The following MYT1 variants were observed in gnomAD, a reference collection of about 807,000 sequenced individuals.
MYT1 encodes the protein myelin transcription factor I.
MYT1 carries 23 observed loss-of-function variants against 123.0 expected under a neutral mutation model. That is an observed-to-expected ratio of 0.19 (90% CI 0.13 to 0.26). MYT1 has a LOEUF of 0.26. Ranked by LOEUF, MYT1 falls within the 10% of genes least tolerant of loss-of-function variation. MYT1 has a pLI of 1.00. For missense variants in MYT1, 1,125 were observed against 1,472.5 expected (o/e 0.76, Z 3.86); for synonymous variants, 518 against 575.3 (o/e 0.90, Z 1.43).
chr20:64,223,448 T>G, intron 16 of MYT1, 89 bp downstream of exon 16: 2 of 1,456,472 alleles, frequency 1.4e-6, no homozygotes, highest in Non-Finnish European at 1.9e-6. Flanking sequence ...ATCAGCCTTC[T>G]CCAAGGTGCC....
rs906773055 is a variant in MYT1 at position 64,171,462 on chromosome 20, G to A, written c.-99+6723G>A. 7.2e-5 allele frequency among the ~76,000 whole-genome samples: 11 copies of A among 152,226 alleles called. No homozygotes were observed. The East Asian group carries it at 1.5e-3, about 21-fold the overall frequency. On this transcript the variant is annotated intron_variant, in intron 1 of 22. Coordinates refer to ENST00000328439, the MANE Select transcript of MYT1 (RefSeq NM_004535.3). The stretch of plus-strand genomic sequence containing the variant: ...TTCCCTGTGGAGTGTCACCCACACC[G>A]GTGGCCTGGGCTTTGTCTGGCTGCA...
chr20:64,201,723 G>A (rs895935543), intron 4 of MYT1, among the ~76,000 whole-genome samples: 2 of 152,186 alleles, frequency 1.3e-5, no homozygotes, highest in South Asian at 2.1e-4. Flanking sequence ...GGCTCTGACC[G>A]GACAAGCAGA....
intron 1 of MYT1, among the ~76,000 whole-genome samples, chr20:64,176,476 C>T (rs2145692588): frequency 6.6e-6 from 1 of 152,390 alleles, no homozygotes; most frequent in East Asian, 1.9e-4. Flanking sequence ...ATTTCCCCTC[C>T]CTGGCTTCTC....
intron 4 of MYT1, 35 bp from the exon 5 acceptor site, chr20:64,205,000 G>T: frequency 3.7e-6 from 6 of 1,609,404 alleles, no homozygotes; most frequent in Non-Finnish European, 5.1e-6. Flanking sequence ...TGAGCCCATC[G>T]CCTGATGTGG....
intron 2 of MYT1, among the ~76,000 whole-genome samples, chr20:64,195,936 G>T (rs1983105565): frequency 6.6e-6 from 1 of 152,126 alleles, no homozygotes; most frequent in Non-Finnish European, 1.5e-5. Context: ...CCTATCGAAG[G>T]CAGAACTATT....
At chr20:64,217,630 C>T (rs927226178) in intron 11 of MYT1, among the ~76,000 whole-genome samples, 30 of 152,374 alleles carry the variant, frequency 2.0e-4, no homozygotes, top group African/African-American at 7.0e-4. Flanking sequence ...CGCCACTCTC[C>T]CCACTGTCCT....
intron 20 of MYT1, 86 bp downstream of exon 20, chr20:64,236,732 AG>A (rs1005239764): frequency 8.4e-7 from 1 of 1,185,374 alleles, no homozygotes; most frequent in African/African-American, 1.5e-5. Context: ...GGTGGGAAGA[AG>A]GTTAGGGAGA....
At chr20:64,207,455 A>C (rs1165480257) in intron 6 of MYT1, 139 bp from the exon 7 acceptor site, 5 of 1,444,232 alleles carry the variant, frequency 3.5e-6, no homozygotes, top group Middle Eastern at 4.7e-4. Context: ...CCACTTCTGG[A>C]GTTTCATGTT....
At position 64,213,553 on chromosome 20, in the gene MYT1, G is replaced by A; in HGVS notation, c.1537G>A (p.Ala513Thr). The A allele has an allele frequency of 8.1e-6, 13 of 1,614,072 alleles. No homozygotes were observed. Among genetic ancestry groups the A allele is most frequent in the Non-Finnish European group, 1.1e-5 (13 of 1,180,006 alleles). The change falls in exon 10 of 23, where the codon GCT becomes ACT. Residue 513 changes from alanine (A) to threonine (T), a missense_variant. Around this residue, in one of 4 missense-constraint regions of MYT1, gnomAD observed 429 missense variants for 604.1 expected, o/e 0.71. Transcript: ENST00000328439. This position sits in a 1 kb window ranked among gnomAD's most constrained non-coding sequence, Gnocchi z 5.6. ...THRSLSGCPI[A>T]AAEKLAKSHE... is the part of the protein sequence containing the mutation. Reference sequence around the variant, plus strand: ...CTCTAGTTTGTCTGGGTGTCCCATTGCTGCCGCCGAAAAATTAGCCAAATC... The same window carrying A: ...CTCTAGTTTGTCTGGGTGTCCCATTACTGCCGCCGAAAAATTAGCCAAATC...
rs1435354797 is a variant in MYT1 at position 64,208,681 on chromosome 20, G to A, written c.1291+194G>A. ...GTTCCCACACTGCTTTACATAGAGC[G>A]ATCTGGAGCGAGACACAGCGGAGAC... On this transcript the variant is annotated intron_variant, in intron 7 of 22. Coordinates refer to ENST00000328439, the MANE Select transcript of MYT1 (RefSeq NM_004535.3). The surrounding 1 kb of genome is among the most constrained non-coding windows in gnomAD (Gnocchi z 5.4). 6.7e-6 allele frequency among the ~76,000 whole-genome samples: 1 copy of A among 150,342 alleles called. No individual in the cohort carries two copies. Among genetic ancestry groups the A allele is most frequent in the African/African-American group, 2.4e-5 (1 of 40,974 alleles).
intron 16 of MYT1, 42 bp downstream of exon 16, chr20:64,223,401 C>T (rs765355633): frequency 1.2e-6 from 2 of 1,605,400 alleles, no homozygotes; most frequent in East Asian, 2.2e-5. Flanking sequence ...TGGGCGGCAC[C>T]CTCGCTTTGC....
At chr20:64,220,658 A>G (rs961210366) in intron 13 of MYT1, among the ~76,000 whole-genome samples, 1 of 152,256 alleles carries the variant, frequency 6.6e-6, no homozygotes, top group Non-Finnish European at 1.5e-5. Flanking sequence ...TCCAGGCGGC[A>G]GCAGCCGCGT....
chr20:64,198,731 G>A, intron 2 of MYT1, 131 bp from the exon 3 acceptor site: 1 of 935,936 alleles, frequency 1.1e-6, no homozygotes, highest in South Asian at 1.5e-5. Flanking sequence ...GCCCATCCTT[G>A]TCATTCTGTG....
At chr20:64,224,073 T>C (rs1321001759) in intron 16 of MYT1, among the ~76,000 whole-genome samples, 3 of 152,204 alleles carry the variant, frequency 2.0e-5, no homozygotes, top group Non-Finnish European at 4.4e-5. Context: ...CAGGGACTGT[T>C]ACTGCCTTTG....
rs1281085956 is a variant in MYT1 at position 64,185,364 on chromosome 20, C to T, written c.-98-4699C>T. On this transcript the variant is annotated intron_variant, in intron 1 of 22. Coordinates refer to ENST00000328439, the MANE Select transcript of MYT1 (RefSeq NM_004535.3). This position sits in a 1 kb window ranked among gnomAD's most constrained non-coding sequence, Gnocchi z 4.5. The stretch of plus-strand genomic sequence containing the variant: ...GCATGGGAGAATGGAGGTGTGGGCT[C>T]CTCTCAAGTGACTACCCTTCCCCTC... 2.0e-5 allele frequency among the ~76,000 whole-genome samples: 3 copies of T among 152,066 alleles called. No individual in the cohort carries two copies. The highest frequency in any genetic ancestry group is 2.1e-4 in the South Asian group (1 of 4,820).
rs558870358 is a variant in MYT1 at position 64,223,761 on chromosome 20, C to T, written c.2528+402C>T. ...GTAAGCCCTGCCGTGGCTCGGCAGGCCACAGGCTGTGCGGCTCTTGCTAAA... is the reference window on the plus strand; with the variant it reads ...GTAAGCCCTGCCGTGGCTCGGCAGGTCACAGGCTGTGCGGCTCTTGCTAAA... On this transcript the variant is annotated intron_variant, in intron 16 of 22. Transcript: ENST00000328439. 3.9e-4 allele frequency among the ~76,000 whole-genome samples: 59 copies of T among 152,270 alleles called. 1 individual carries two copies. The South Asian group carries it at 0.011, about 29-fold the overall frequency.
rs1459254892 is a variant in MYT1, at chr20:64,186,473, GA to G, written c.-98-3587del. ...CCACTTCACTTCAGATTCCTGACAA[GA>G]AAGGCCATGGTGATGACAACAGCAC... is the stretch of plus-strand genomic sequence containing the variant. On this transcript the variant is annotated intron_variant, in intron 1 of 22. Coordinates refer to ENST00000328439, the MANE Select transcript of MYT1 (RefSeq NM_004535.3). This position sits in a 1 kb window ranked among gnomAD's most constrained non-coding sequence, Gnocchi z 4.3. Among the ~76,000 whole-genome samples the G allele has an allele frequency of 6.6e-6, 1 of 152,232 alleles. No homozygotes were observed. The highest frequency in any genetic ancestry group is 1.5e-5 in the Non-Finnish European group (1 of 68,038).
At position 64,198,921 on chromosome 20, in the gene MYT1, G is replaced by T; in HGVS notation, c.55+5G>T. 1 of 1,613,942 alleles carries T rather than the reference G, an allele frequency of 6.2e-7. No individual in the cohort carries two copies. Among genetic ancestry groups the T allele is most frequent in the Non-Finnish European group, 8.5e-7 (1 of 1,179,824 alleles). ...CCCGATCCAAGGCCCTGCGAGGTGAGTGCCGCCCTCCCCTCCTCCAGGGCT... is the reference window on the plus strand; with the variant it reads ...CCCGATCCAAGGCCCTGCGAGGTGATTGCCGCCCTCCCCTCCTCCAGGGCT... On this transcript the variant is annotated splice_donor_5th_base_variant and intron_variant, in intron 3 of 22. Transcript: ENST00000328439.
chr20:64,180,624 C>T (rs923082309), intron 1 of MYT1, among the ~76,000 whole-genome samples: 23 of 152,348 alleles, frequency 1.5e-4, no homozygotes, highest in African/African-American at 5.3e-4. Context: ...GCCAGTTGCC[C>T]AGGACTTTGG....
Sources: gnomAD v4.1 joint callset for allele counts (sites outside exome capture counted in the v4.1 genomes callset) on GRCh38, gnomAD v4.1.1 for gene constraint, gnomAD v4.1.1 regional missense constraint, Gnocchi (gnomAD v3.1) non-coding constraint, MANE v1.5 for transcripts, NCBI Gene and HGNC (gene_info 2026-07-23, HGNC 2026-07-21) for gene names.